The following LUZP2 variants were observed in gnomAD, a reference collection of about 807,000 sequenced individuals.
The protein encoded by LUZP2 is leucine zipper protein 2.
LUZP2 carries 52 observed loss-of-function variants against 51.6 expected under a neutral mutation model. That is an observed-to-expected ratio of 1.01 (90% CI 0.81 to 1.27). LUZP2 has a LOEUF of 1.27. Ranked by LOEUF, LUZP2 falls within the 50% of genes most tolerant of loss-of-function variation. The pLI is 0.00. For missense variants in LUZP2, 436 were observed against 395.4 expected (o/e 1.10, Z -0.87); for synonymous variants, 154 against 137.3 (o/e 1.12, Z -0.85).
Position 24,801,361 on chromosome 11 carries a change from C to A in LUZP2, c.396+38053C>A, listed in dbSNP as rs562809422. Among the ~76,000 whole-genome samples the A allele has an allele frequency of 8.2e-4, 125 of 152,152 alleles. 1 individual carries two copies. Among genetic ancestry groups the A allele is most frequent in the African/African-American group, 2.9e-3 (120 of 41,530 alleles). On this transcript the variant is annotated intron_variant, in intron 5 of 11. Coordinates refer to ENST00000336930, the MANE Select transcript of LUZP2 (RefSeq NM_001009909.4). ...AAAGACACATTTTATTCAGGTTTTC[C>A]AGTGGTCACATGTTCACTAATAATA...
intron 1 of LUZP2, among the ~76,000 whole-genome samples, chr11:24,598,122 A>C (rs1853505888): frequency 6.6e-6 from 1 of 151,020 alleles, no homozygotes; most frequent in Non-Finnish European, 1.5e-5. Flanking sequence ...AAAAAGAGAG[A>C]GACATTTATT....
chr11:24,709,492 G>C (rs1408060786), intron 1 of LUZP2, among the ~76,000 whole-genome samples: 1 of 152,086 alleles, frequency 6.6e-6, no homozygotes, highest in African/African-American at 2.4e-5. Flanking sequence ...GAAGCTAAAA[G>C]AGAAAGGGCA....
rs1268950462 is a variant in LUZP2, at chr11:25,082,255, T to C, written c.*3597T>C. 6.6e-6 allele frequency: 1 copy of C among 152,612 alleles called. No homozygotes were observed. The highest frequency in any genetic ancestry group is 1.5e-5 in the Non-Finnish European group (1 of 68,014). 9.5% of individuals were successfully genotyped at this position (152,612 alleles called of 1,614,324 possible). A position where few individuals can be genotyped will look rare whatever the true frequency, so the allele number is the denominator to read the frequency against. ...CATCAAATATCCTCAATTACAAGTC[T>C]AAGACAGTTATATGTAAAGAAAATG... On this transcript the variant is annotated 3_prime_UTR_variant, in exon 12 of 12. Transcript: ENST00000336930.
intron 5 of LUZP2, among the ~76,000 whole-genome samples, chr11:24,784,706 C>T (rs1318430139): frequency 6.6e-6 from 1 of 151,888 alleles, no homozygotes; most frequent in African/African-American, 2.4e-5. Context: ...GAATTGGTGA[C>T]AATATGAAAG....
chr11:25,066,931 T>C (rs1279901826), intron 10 of LUZP2, among the ~76,000 whole-genome samples: 1 of 151,986 alleles, frequency 6.6e-6, no homozygotes, highest in Admixed American at 6.6e-5. Flanking sequence ...CATAGCATAA[T>C]CCTCAAAATC....
At chr11:24,799,087 C>T (rs1849623937) in intron 5 of LUZP2, among the ~76,000 whole-genome samples, 1 of 152,162 alleles carries the variant, frequency 6.6e-6, no homozygotes. Flanking sequence ...GTCATTTTCT[C>T]TTTCTGCTCC....
intron 1 of LUZP2, among the ~76,000 whole-genome samples, chr11:24,602,385 TATACACAC>T (rs1380178142): frequency 6.9e-5 from 6 of 86,610 alleles, no homozygotes; most frequent in African/African-American, 2.2e-4. Flanking sequence ...TATATATATA[TATACACAC>T]ACACACACAC....
chr11:24,670,993 T>G (rs941937833), intron 1 of LUZP2, among the ~76,000 whole-genome samples: 2 of 151,916 alleles, frequency 1.3e-5, no homozygotes, highest in South Asian at 2.1e-4. Context: ...ATTATTATTC[T>G]TTCTCAAAGA....
In LUZP2 at chr11:24,916,111, G is replaced by A. The variant is rs1384957439; in HGVS notation, c.522+1573G>A. On this transcript the variant is annotated intron_variant, in intron 7 of 11. Transcript: ENST00000336930. ...CATGCTGGCACTTGCAAGGCATAATGATGAATTAAGTGCCCTTATTAATGC... is the reference window on the plus strand; with the variant it reads ...CATGCTGGCACTTGCAAGGCATAATAATGAATTAAGTGCCCTTATTAATGC... Among the ~76,000 whole-genome samples, 5 of 151,964 alleles carry A rather than the reference G, an allele frequency of 3.3e-5. No individual in the cohort carries two copies. In the East Asian group the frequency reaches 9.7e-4, roughly 29 times the overall value.
intron 1 of LUZP2, among the ~76,000 whole-genome samples, chr11:24,677,595 TA>T (rs1234271223): frequency 6.6e-6 from 1 of 152,260 alleles, no homozygotes. Flanking sequence ...CTGACCATTC[TA>T]GGTAGGTCTG....
In LUZP2 at chr11:24,612,261, G is replaced by T. The variant is rs184896283; in HGVS notation, c.62+114956G>T. Among the ~76,000 whole-genome samples, 230 of 152,268 alleles carry T rather than the reference G, an allele frequency of 1.5e-3. 1 individual carries two copies. In the Middle Eastern group the frequency reaches 0.017, roughly 11 times the overall value. On this transcript the variant is annotated intron_variant, in intron 1 of 11. Transcript: ENST00000336930. ...AATTAGTGATGGGGTCACTATCAGA[G>T]ATAGAAAATGCAGTGGAGGAACAGG...
chr11:24,543,681 C>T (rs1016965031), intron 1 of LUZP2, among the ~76,000 whole-genome samples: 7 of 151,754 alleles, frequency 4.6e-5, no homozygotes, highest in African/African-American at 1.5e-4. Flanking sequence ...ATTAGCCAGG[C>T]ATGGTGGTGC....
At chr11:24,711,997 T>C (rs1411188356) in intron 1 of LUZP2, among the ~76,000 whole-genome samples, 1 of 152,200 alleles carries the variant, frequency 6.6e-6, no homozygotes, top group Non-Finnish European at 1.5e-5. Context: ...CTCTGATTGA[T>C]GTATTATTTA....
intron 7 of LUZP2, among the ~76,000 whole-genome samples, chr11:24,972,383 C>T (rs1000996152): frequency 6.6e-6 from 1 of 151,940 alleles, no homozygotes; most frequent in Non-Finnish European, 1.5e-5. Context: ...TAATTTAATT[C>T]TCCCAACAAG....
At chr11:24,896,669 G>T (rs1424824142) in intron 5 of LUZP2, among the ~76,000 whole-genome samples, 1 of 152,250 alleles carries the variant, frequency 6.6e-6, no homozygotes, top group Non-Finnish European at 1.5e-5. Flanking sequence ...CCGCCCAAGG[G>T]TTGAGGAGTG....
chr11:25,039,358 T>C (rs1590865020), intron 9 of LUZP2, among the ~76,000 whole-genome samples: 2 of 152,262 alleles, frequency 1.3e-5, no homozygotes, highest in African/African-American at 4.8e-5. Context: ...GAGGCTACAC[T>C]GTGTACATGC....
chr11:24,559,490 AAG>A (rs1042276966), intron 1 of LUZP2, among the ~76,000 whole-genome samples: 9 of 152,310 alleles, frequency 5.9e-5, no homozygotes, highest in African/African-American at 1.7e-4. Context: ...ACTACCAATA[AAG>A]AGAGCAAGTT....
intron 1 of LUZP2, among the ~76,000 whole-genome samples, chr11:24,677,687 G>C (rs1856607522): frequency 6.6e-6 from 1 of 151,980 alleles, no homozygotes; most frequent in Non-Finnish European, 1.5e-5. Flanking sequence ...ATATGAACAT[G>C]TTCATGTTAC....
intron 1 of LUZP2, among the ~76,000 whole-genome samples, chr11:24,507,706 T>C (rs1157164007): frequency 1.3e-5 from 2 of 152,062 alleles, no homozygotes; most frequent in African/African-American, 4.8e-5. Flanking sequence ...CATGAAGCCA[T>C]ATAAATGCTT....
Sources: allele counts gnomAD v4.1 joint callset (sites outside exome capture counted in the v4.1 genomes callset), GRCh38; gene constraint gnomAD v4.1.1; transcripts MANE v1.5; gene names NCBI Gene and HGNC (gene_info 2026-07-23, HGNC 2026-07-21).